The following CACNA1E variants were observed in gnomAD, a reference collection of about 807,000 sequenced individuals.
CACNA1E encodes the protein calcium voltage-gated channel subunit alpha1 E.
Under a neutral mutation model 259.2 loss-of-function variants are expected in CACNA1E, and 40 were observed. The ratio of observed to expected loss-of-function variants is 0.15; its 90% confidence interval spans 0.12 to 0.20. The LOEUF is 0.20. Ranked by LOEUF, CACNA1E falls within the 10% of genes least tolerant of loss-of-function variation. CACNA1E has a pLI of 1.00. For synonymous variants in CACNA1E, 1,104 were observed against 1,138.5 expected (o/e 0.97, Z 0.61); for missense variants, 1,874 against 3,040.1 (o/e 0.62, Z 9.02).
intron 35 of CACNA1E, among the ~76,000 whole-genome samples, chr1:181,770,901 GA>G (rs1490160617): frequency 6.6e-6 from 1 of 152,198 alleles, no homozygotes; most frequent in Non-Finnish European, 1.5e-5. Flanking sequence ...GACAGGAAGA[GA>G]GGGGTAGCTC....
chr1:181,596,597 TAC>T (rs1553293355), intron 6 of CACNA1E, among the ~76,000 whole-genome samples: 11 of 144,746 alleles, frequency 7.6e-5, no homozygotes, highest in East Asian at 4.1e-4. Flanking sequence ...TGTGTGTGTG[TAC>T]ACACACATAT....
chr1:181,585,140 A>G (rs1383367736), intron 6 of CACNA1E, among the ~76,000 whole-genome samples: 3 of 152,126 alleles, frequency 2.0e-5, no homozygotes, highest in Middle Eastern at 3.2e-3. Flanking sequence ...TTACTTATCC[A>G]TAGAGGGATT....
At chr1:181,795,448 T>G (rs1661704492) in intron 46 of CACNA1E, among the ~76,000 whole-genome samples, 1 of 151,994 alleles carries the variant, frequency 6.6e-6, no homozygotes, top group Admixed American at 6.5e-5. Flanking sequence ...GTTTGAATTT[T>G]TTTTTTTTTT....
At chr1:181,332,105 A>T (rs1294751712) in intron 1 of CACNA1E, among the ~76,000 whole-genome samples, 2 of 152,236 alleles carry the variant, frequency 1.3e-5, no homozygotes, top group Non-Finnish European at 2.9e-5. Flanking sequence ...TCAGCAAACT[A>T]ACGTAGGAAC....
chr1:181,534,286 T>C (rs992112327), intron 3 of CACNA1E, among the ~76,000 whole-genome samples: 1 of 152,136 alleles, frequency 6.6e-6, no homozygotes, highest in African/African-American at 2.4e-5. Flanking sequence ...GTTCATTCTG[T>C]AGAAGATTAA....
intron 6 of CACNA1E, among the ~76,000 whole-genome samples, chr1:181,592,321 G>C (rs1652734016): frequency 6.6e-6 from 1 of 152,134 alleles, no homozygotes; most frequent in African/African-American, 2.4e-5. Context: ...TGATTTCACA[G>C]AGTGGCTGTC....
chr1:181,790,011 C>T (rs1422126167), intron 43 of CACNA1E, among the ~76,000 whole-genome samples: 1 of 152,108 alleles, frequency 6.6e-6, no homozygotes, highest in African/African-American at 2.4e-5. Flanking sequence ...GGGATGTTGG[C>T]GAAATAAGAC....
At chr1:181,380,478 TAAGAA>T (rs1286618685) in intron 1 of CACNA1E, among the ~76,000 whole-genome samples, 1 of 152,166 alleles carries the variant, frequency 6.6e-6, no homozygotes, top group Non-Finnish European at 1.5e-5. Context: ...AAAGATATAA[TAAGAA>T]AAGAAAACTG....
chr1:181,462,700 G>A (rs2479685), intron 2 of CACNA1E, among the ~76,000 whole-genome samples: 23,281 of 152,056 alleles, frequency 0.15, 1,865 homozygotes, highest in South Asian at 0.21. Flanking sequence ...TACTACATGT[G>A]CATTTATGAA....
At chr1:181,331,176 T>A (rs1651229857) in intron 1 of CACNA1E, among the ~76,000 whole-genome samples, 1 of 151,986 alleles carries the variant, frequency 6.6e-6, no homozygotes, top group Non-Finnish European at 1.5e-5. Flanking sequence ...GGTGGGGAAG[T>A]GTATTAGTTA....
intron 2 of CACNA1E, among the ~76,000 whole-genome samples, chr1:181,449,194 C>T (rs914958556): frequency 6.6e-6 from 1 of 152,162 alleles, no homozygotes; most frequent in Non-Finnish European, 1.5e-5. Flanking sequence ...GATGCTGTGG[C>T]ACTTTGGAAG....
In CACNA1E at chr1:181,670,264, G is replaced by T. The variant is rs192419798; in HGVS notation, c.1055+18823G>T. Among the ~76,000 whole-genome samples, 9 of 152,242 alleles carry T rather than the reference G, an allele frequency of 5.9e-5. No homozygotes were observed. The East Asian group carries it at 1.5e-3, about 26-fold the overall frequency. ...GAAATAATACCTCCCAATTTCCCCG[G>T]CTGATAATCAGAGTCTTTACAATTT... is the stretch of plus-strand genomic sequence containing the variant. On this transcript the variant is annotated intron_variant, in intron 7 of 47. Coordinates refer to ENST00000367573, the MANE Select transcript of CACNA1E (RefSeq NM_001205293.3).
At chr1:181,743,009 A>G (rs1484681600) in intron 25 of CACNA1E, among the ~76,000 whole-genome samples, 2 of 152,236 alleles carry the variant, frequency 1.3e-5, no homozygotes, top group Non-Finnish European at 2.9e-5. Context: ...AGATACCCAC[A>G]TTGCAACTTT....
chr1:181,415,290 T>C lies in CACNA1E; in HGVS notation c.434+1710T>C, dbSNP rs149219168. On this transcript the variant is annotated intron_variant, in intron 2 of 11. Transcript: ENST00000524607. ...GCAATGTGGAAATAACTTTTATGTC[T>C]CTAAGTTAAACTTTACTGATTGGAG... is the stretch of plus-strand genomic sequence containing the variant. 4.9e-4 allele frequency among the ~76,000 whole-genome samples: 75 copies of C among 152,324 alleles called. 1 individual carries two copies. In the East Asian group the frequency reaches 0.011, roughly 23 times the overall value.
In CACNA1E at chr1:181,579,314, G is replaced by A; in HGVS notation, c.769+90G>A. ...GGGCACTTGGAGGCTCATTGGAAAA[G>A]TATGTCCTATTCTGACCCTGGAATT... On this transcript the variant is annotated intron_variant, in intron 5 of 47. Transcript: ENST00000367573. 1.9e-6 allele frequency: 2 copies of A among 1,080,668 alleles called. 1 individual carries two copies. The highest frequency in any genetic ancestry group is 3.1e-5 in the South Asian group (2 of 63,642). 66.9% of individuals were successfully genotyped at this position (1,080,668 alleles called of 1,614,324 possible).
intron 1 of CACNA1E, among the ~76,000 whole-genome samples, chr1:181,506,187 G>A (rs145689796): frequency 3.3e-5 from 5 of 152,314 alleles, no homozygotes; most frequent in East Asian, 3.9e-4. Flanking sequence ...GTGGCGACTC[G>A]GAGCTCCCTT....
intron 7 of CACNA1E, among the ~76,000 whole-genome samples, chr1:181,660,085 G>A (rs1647488259): frequency 6.6e-6 from 1 of 152,218 alleles, no homozygotes; most frequent in Non-Finnish European, 1.5e-5. Flanking sequence ...TGTGTACAGG[G>A]CAGAAGATGC....
chr1:181,772,917 C>T (rs1303134741), intron 37 of CACNA1E, among the ~76,000 whole-genome samples: 1 of 152,154 alleles, frequency 6.6e-6, no homozygotes, highest in Admixed American at 6.5e-5. Context: ...TTGGAGAAAG[C>T]ATGACTCAGC....
intron 6 of CACNA1E, among the ~76,000 whole-genome samples, chr1:181,633,387 T>C (rs985296818): frequency 6.6e-6 from 1 of 152,076 alleles, no homozygotes; most frequent in African/African-American, 2.4e-5. Context: ...TTCCGATTCA[T>C]GCAATGTAGA....
Sources: gnomAD v4.1 joint callset for allele counts (sites outside exome capture counted in the v4.1 genomes callset) on GRCh38, gnomAD v4.1.1 for gene constraint, MANE v1.5 for transcripts, NCBI Gene and HGNC (gene_info 2026-07-23, HGNC 2026-07-21) for gene names.